The following CDC42SE1 variants were observed in gnomAD, a reference collection of about 807,000 sequenced individuals.
CDC42SE1 encodes the protein CDC42 small effector protein 1.
A neutral mutation model predicts 10.9 loss-of-function variants in CDC42SE1; 10 were observed. The ratio of observed to expected loss-of-function variants is 0.92; its 90% CI spans 0.57 to 1.56. CDC42SE1 has a LOEUF of 1.56. Among genes scored for constraint, CDC42SE1 ranks in the 40% most tolerant of loss-of-function variants. The probability of loss-of-function intolerance (pLI) is 0.00; values close to 1 mark genes in which losing one functional copy is unlikely to be tolerated. For missense variants in CDC42SE1, 81 were observed against 100.8 expected, an observed-to-expected ratio of 0.80 and a Z score of 0.84; for synonymous variants, 24 against 32.0, an observed-to-expected ratio of 0.75 and a Z score of 0.85.
intron 1 of CDC42SE1, among the ~76,000 whole-genome samples, 192 bp from the exon 2 acceptor site, chr1:151,056,185 A>AC (rs2102976199): frequency 6.6e-6 from 1 of 152,264 alleles, no homozygotes; most frequent in African/African-American, 2.4e-5. Context: ...CCAAAAGGAC[A>AC]CCAAGGGGTT....
In CDC42SE1 at chr1:151,057,414, T is replaced by C. The variant is rs1571853139; in HGVS notation, c.-263-1421A>G. ...GGCGGATGCCTGTAATCCCAGCTAC[T>C]TGGGAGGCTGAGGCAGGAGAATCGC... On this transcript the variant is annotated intron_variant, in intron 1 of 4. Coordinates refer to ENST00000357235, the MANE Select transcript of CDC42SE1 (RefSeq NM_020239.4). This position sits in a 1 kb window ranked among gnomAD's most constrained non-coding sequence, Gnocchi z 4.0. 2.0e-5 allele frequency among the ~76,000 whole-genome samples: 3 copies of C among 152,240 alleles called. No homozygotes were observed.
At chr1:151,055,589 A>T in intron 2 of CDC42SE1, 88 bp downstream of exon 2, 1 of 1,106,310 alleles carries the variant, frequency 9.0e-7, no homozygotes, top group Non-Finnish European at 1.4e-6. Context: ...GTGCTTTTTT[A>T]GATGGCAGAT....
chr1:151,055,796 G>A lies in CDC42SE1; in HGVS notation c.-66C>T. ...CCAAAGGGCTCTTTCCCTGGTGTTT[G>A]GACAACCCACTCCTCACTCTCCCCA... is the stretch of plus-strand genomic sequence containing the variant. On this transcript the variant is annotated 5_prime_UTR_variant, in exon 2 of 5. Coordinates refer to ENST00000357235, the MANE Select transcript of CDC42SE1 (RefSeq NM_020239.4). The A allele has an allele frequency of 2.2e-6, 3 of 1,359,122 alleles. No homozygotes were observed. The South Asian group carries it at 3.6e-5, about 16-fold the overall frequency. The allele number at this position is 1,359,122 out of a possible 1,614,324, so 84.2% of individuals were successfully genotyped here.
intron 1 of CDC42SE1, chr1:151,058,674 CCCA>C (rs1676335220): frequency 6.5e-6 from 1 of 153,006 alleles, no homozygotes; most frequent in Admixed American, 6.6e-5. Flanking sequence ...ACCCCCCGCC[CCCA>C]CCAAGATCAT....
rs1235237919 is a variant in CDC42SE1 at position 151,051,974 on chromosome 1, T to A, written c.*1370A>T. On this transcript the variant is annotated 3_prime_UTR_variant, in exon 5 of 5. Coordinates refer to ENST00000357235, the MANE Select transcript of CDC42SE1 (RefSeq NM_020239.4). Reference sequence around the variant, plus strand: ...ACAAGCAAAACACTGAATAAAGAATTGTTTGGAGATTATGTGCAGCCCTAC... The same window carrying A: ...ACAAGCAAAACACTGAATAAAGAATAGTTTGGAGATTATGTGCAGCCCTAC... 6.6e-6 allele frequency: 1 copy of A among 152,274 alleles called. No homozygotes were observed. Among genetic ancestry groups the A allele is most frequent in the Non-Finnish European group, 1.5e-5 (1 of 68,000 alleles). 9.4% of individuals were successfully genotyped at this position (152,274 alleles called of 1,614,324 possible). A position where few individuals can be genotyped will look rare whatever the true frequency, so the allele number is the denominator to read the frequency against.
At chr1:151,054,568 T>C (rs1676244777) in intron 3 of CDC42SE1, among the ~76,000 whole-genome samples, 1 of 152,192 alleles carries the variant, frequency 6.6e-6, no homozygotes, top group Non-Finnish European at 1.5e-5. Flanking sequence ...TATCTGAGTT[T>C]CAGGATCTGA....
intron 3 of CDC42SE1, 34 bp downstream of exon 3, chr1:151,054,982 C>T: frequency 3.5e-6 from 5 of 1,447,762 alleles, no homozygotes; most frequent in South Asian, 2.3e-5. Flanking sequence ...ATAGACCTCA[C>T]CCCTGTATCA....
rs587701997 is a variant in CDC42SE1, at chr1:151,051,945, A to C, written c.*1399T>G. On this transcript the variant is annotated 3_prime_UTR_variant, in exon 5 of 5. Coordinates refer to ENST00000357235, the MANE Select transcript of CDC42SE1 (RefSeq NM_020239.4). Reference sequence around the variant, plus strand: ...GGACCTGTCCATCATAGCAACATGCAAACACAAGCAAAACACTGAATAAAG... The same window carrying C: ...GGACCTGTCCATCATAGCAACATGCCAACACAAGCAAAACACTGAATAAAG... 6.5e-6 allele frequency: 1 copy of C among 152,766 alleles called. No homozygotes were observed. Among genetic ancestry groups the C allele is most frequent in the African/African-American group, 2.4e-5 (1 of 41,568 alleles). The allele number at this position is 152,766 out of a possible 1,614,324, so 9.5% of individuals were successfully genotyped here. A position where few individuals can be genotyped will look rare whatever the true frequency, so the allele number is the denominator to read the frequency against.
chr1:151,057,249 T>C lies in CDC42SE1; in HGVS notation c.-263-1256A>G, dbSNP rs901003018. Among the ~76,000 whole-genome samples the C allele has an allele frequency of 1.3e-5, 2 of 152,152 alleles. No homozygotes were observed. Among genetic ancestry groups the C allele is most frequent in the Non-Finnish European group, 2.9e-5 (2 of 68,014 alleles). On this transcript the variant is annotated intron_variant, in intron 1 of 4. Transcript: ENST00000357235. This position sits in a 1 kb window ranked among gnomAD's most constrained non-coding sequence, Gnocchi z 4.0. ...TTAAAAACAAGAGATAGGCCGGGCG[T>C]GGTGGCTCACGCCTGTAATCCCAGC... is the stretch of plus-strand genomic sequence containing the variant.
rs587740397 is a variant in CDC42SE1, at chr1:151,053,021, T to C, written c.*323A>G. ...AAACAGGTGGCACCCAGACCATCAT[T>C]CAGGAGACAGGAACTCATTCCAGGT... On this transcript the variant is annotated 3_prime_UTR_variant, in exon 5 of 5. Transcript: ENST00000357235. 6.5e-6 allele frequency: 1 copy of C among 152,722 alleles called. No homozygotes were observed. The highest frequency in any genetic ancestry group is 2.1e-4 in the South Asian group (1 of 4,822). The allele number at this position is 152,722 out of a possible 1,614,324, so 9.5% of individuals were successfully genotyped here.
intron 2 of CDC42SE1, 198 bp downstream of exon 2, chr1:151,055,479 T>C (rs1460189954): frequency 8.1e-6 from 5 of 621,116 alleles, no homozygotes; most frequent in African/African-American, 1.8e-5. Flanking sequence ...CAGGAGGTAA[T>C]AGCTAGGACT....
Position 151,055,126 on chromosome 1 carries a change from T to G in CDC42SE1, c.55A>C (p.Lys19Gln), listed in dbSNP as rs1451730457. Residue 19 changes from lysine (K) to glutamine (Q), a missense_variant and splice_region_variant, in exon 3 of 5, where the codon AAG becomes CAG. By Grantham distance (53) the Lys-to-Gln change is moderately conservative. Coordinates refer to ENST00000357235, the MANE Select transcript of CDC42SE1 (RefSeq NM_020239.4). The stretch of plus-strand genomic sequence containing the variant: ...CGGTCAATCCGTCTTCTCTTCTTCT[T>G]CTGCTTGGAGAAGATAAGGAGTCAT... ...GCCVVEKPQPKKKRRRIDRTM... is the reference protein window; with the variant it reads ...GCCVVEKPQPQKKRRRIDRTM... The G allele has an allele frequency of 1.2e-6, 2 of 1,608,674 alleles. No homozygotes were observed. Among genetic ancestry groups the G allele is most frequent in the African/African-American group, 1.3e-5 (1 of 74,526 alleles).
rs587674757 is a variant in CDC42SE1 at position 151,057,311 on chromosome 1, C to G, written c.-263-1318G>C. On this transcript the variant is annotated intron_variant, in intron 1 of 4. Transcript: ENST00000357235. The surrounding 1 kb of genome is among the most constrained non-coding windows in gnomAD (Gnocchi z 4.0). The stretch of plus-strand genomic sequence containing the variant: ...CCAAGGTGGGCGGATCACCTGAGGT[C>G]AGGAGTTCCAGACCAGCCTGGCCAA... Among the ~76,000 whole-genome samples, 113 of 152,282 alleles carry G rather than the reference C, an allele frequency of 7.4e-4. 1 individual carries two copies. The highest frequency in any genetic ancestry group is 2.6e-3 in the African/African-American group (110 of 41,548).
chr1:151,054,933 T>C, intron 3 of CDC42SE1, 83 bp downstream of exon 3: 1 of 1,008,706 alleles, frequency 9.9e-7, no homozygotes, highest in Admixed American at 1.9e-5. Flanking sequence ...AGTATTTTCA[T>C]ATGTCCCTAG....
chr1:151,055,837 TG>T lies in CDC42SE1; in HGVS notation c.-108del. 1.1e-6 allele frequency: 1 copy of T among 921,362 alleles called. No homozygotes were observed. The highest frequency in any genetic ancestry group is 1.4e-5 in the South Asian group (1 of 71,804). The allele number at this position is 921,362 out of a possible 1,614,324, so 57.1% of individuals were successfully genotyped here. A position where few individuals can be genotyped will look rare whatever the true frequency, so the allele number is the denominator to read the frequency against. ...ACTCTCCCCAGATACACCACCACCC[TG>T]GGTTCACTCAGCTGGATGGGTCCAG... is the stretch of plus-strand genomic sequence containing the variant. On this transcript the variant is annotated 5_prime_UTR_variant, in exon 2 of 5. Coordinates refer to ENST00000357235, the MANE Select transcript of CDC42SE1 (RefSeq NM_020239.4).
chr1:151,055,612 G>C (rs1676263529), intron 2 of CDC42SE1, 65 bp downstream of exon 2: 1 of 1,321,884 alleles, frequency 7.6e-7, no homozygotes, highest in African/African-American at 1.4e-5. Flanking sequence ...TAGATGGTGT[G>C]GCTACCTCAC....
In CDC42SE1 at chr1:151,051,396, A is replaced by AG; in HGVS notation, c.*1947_*1948insC. On this transcript the variant is annotated 3_prime_UTR_variant, in exon 5 of 5. Transcript: ENST00000357235. ...GGCAGAAAATACATGGAAATTTGAAAAAAAAAAAAAAAAAAAAAAAAAAAG... is the reference window on the plus strand; with the variant it reads ...GGCAGAAAATACATGGAAATTTGAAAGAAAAAAAAAAAAAAAAAAAAAAAAG... The AG allele has an allele frequency of 7.5e-6, 1 of 133,888 alleles. No individual in the cohort carries two copies. Among genetic ancestry groups the AG allele is most frequent in the East Asian group, 2.1e-4 (1 of 4,758 alleles). The allele number at this position is 133,888 out of a possible 1,614,324, so 8.3% of individuals were successfully genotyped here. A position where few individuals can be genotyped will look rare whatever the true frequency, so the allele number is the denominator to read the frequency against.
Position 151,053,296 on chromosome 1 carries a change from G to C in CDC42SE1, c.*48C>G, listed in dbSNP as rs1676217901. ...TAGGGGCAGCATTTCTTCTGGGCTGGAAACAGAATGGGGGTTTCAAGATGG... is the reference window on the plus strand; with the variant it reads ...TAGGGGCAGCATTTCTTCTGGGCTGCAAACAGAATGGGGGTTTCAAGATGG... On this transcript the variant is annotated 3_prime_UTR_variant, in exon 5 of 5. Coordinates refer to ENST00000357235, the MANE Select transcript of CDC42SE1 (RefSeq NM_020239.4). 1 of 152,618 alleles carries C rather than the reference G, an allele frequency of 6.6e-6. No individual in the cohort carries two copies. The highest frequency in any genetic ancestry group is 6.5e-5 in the Admixed American group (1 of 15,280). The allele number at this position is 152,618 out of a possible 1,614,324, so 9.5% of individuals were successfully genotyped here. A position where few individuals can be genotyped will look rare whatever the true frequency, so the allele number is the denominator to read the frequency against.
intron 1 of CDC42SE1, chr1:151,059,048 C>T (rs1195837989): frequency 2.6e-5 from 4 of 152,386 alleles, no homozygotes; most frequent in Non-Finnish European, 5.9e-5. Context: ...CCAACCTTCC[C>T]TTCCCCAGGA....
Sources: gnomAD v4.1 joint callset for allele counts (sites outside exome capture counted in the v4.1 genomes callset) on GRCh38, gnomAD v4.1.1 for gene constraint, Gnocchi (gnomAD v3.1) non-coding constraint, MANE v1.5 for transcripts, NCBI Gene and HGNC (gene_info 2026-07-23, HGNC 2026-07-21) for gene names.